ZFX: variants seen among roughly 807,000 people sequenced by gnomAD.
ZFX encodes zinc finger X-chromosomal protein.
For missense variants in ZFX, 362 were observed against 628.3 expected (o/e 0.58, Z 4.53); for synonymous variants, 196 against 226.8 (o/e 0.86, Z 1.22).
At chrX:24,197,363 T>C (rs370206737) in intron 5 of ZFX, among the ~76,000 whole-genome samples, 1 of 111,240 alleles carries the variant, frequency 9.0e-6, no homozygotes, top group East Asian at 2.8e-4. Flanking sequence ...AGAGTAGAAA[T>C]TGACAAAATT....
At chrX:24,163,329 C>T (rs1388378006) in intron 3 of ZFX, among the ~76,000 whole-genome samples, 1 of 83,778 alleles carries the variant, frequency 1.2e-5, no homozygotes, top group Non-Finnish European at 2.3e-5. Flanking sequence ...TCATAATTAA[C>T]CAAGTTTGTA....
At chrX:24,167,463 AAGAG>A (rs1480328158) in intron 3 of ZFX, among the ~76,000 whole-genome samples, 1 of 111,868 alleles carries the variant, frequency 8.9e-6, no homozygotes, top group Non-Finnish European at 1.9e-5. Flanking sequence ...AGCAGTTTAA[AAGAG>A]AGGCACCAAA....
rs1165967901 is a variant in ZFX, at chrX:24,180,231, C to CA, written c.646+473dup. On this transcript the variant is annotated intron_variant, in intron 5 of 9. Coordinates refer to ENST00000304543, the MANE Select transcript of ZFX (RefSeq NM_003410.4). ...TGGGTGACAGAGCAAGACTCCTTCT[C>CA]AAAAAAAAAAAAGCTGAAACAAACA... is the stretch of plus-strand genomic sequence containing the variant. Among the ~76,000 whole-genome samples, 754 of 87,318 alleles carry CA rather than the reference C, an allele frequency of 8.6e-3. 4 individuals carry two copies. The highest frequency in any genetic ancestry group is 0.022 in the African/African-American group (527 of 23,881). 75.8% of individuals were successfully genotyped at this position (87,318 alleles called of 115,157 possible).
chrX:24,174,179 C>G (rs1381740193), intron 4 of ZFX, among the ~76,000 whole-genome samples: 1 of 109,587 alleles, frequency 9.1e-6, no homozygotes, highest in East Asian at 2.9e-4. Context: ...CACCACTGCA[C>G]TCCAGTCTGG....
At chrX:24,187,615 T>C (rs1936229479) in intron 5 of ZFX, among the ~76,000 whole-genome samples, 1 of 111,944 alleles carries the variant, frequency 8.9e-6, no homozygotes, top group East Asian at 2.8e-4. Flanking sequence ...TTTTTTCAAA[T>C]TTGTATTTAC....
At chrX:24,170,532 C>T (rs1395230206) in intron 3 of ZFX, among the ~76,000 whole-genome samples, 2 of 109,246 alleles carry the variant, frequency 1.8e-5, no homozygotes, top group Non-Finnish European at 3.8e-5. Flanking sequence ...GGTGGTTTTG[C>T]GGGAGTGGGG....
intron 5 of ZFX, among the ~76,000 whole-genome samples, chrX:24,191,089 G>C (rs1223893296): frequency 8.9e-6 from 1 of 111,919 alleles, no homozygotes; most frequent in African/African-American, 3.2e-5. Context: ...CAGGTACAGG[G>C]TGGGATTGTA....
At chrX:24,180,037 G>A (rs1935534612) in intron 5 of ZFX, among the ~76,000 whole-genome samples, 1 of 109,736 alleles carries the variant, frequency 9.1e-6, no homozygotes. Context: ...AGACCAGCCT[G>A]GCCAACCAAC....
Position 24,172,714 on chromosome X carries a change from G to T in ZFX, c.-28-1G>T. 1 of 1,151,884 alleles carries T rather than the reference G, an allele frequency of 8.7e-7. No homozygotes were observed. 94.9% of individuals were successfully genotyped at this position (1,151,884 alleles called of 1,213,427 possible). ...TTGGTTTACTTTTTTCCCTGATTTAGGAGCTGTGACTGATGAGAATTAAAG... is the reference window on the plus strand; with the variant it reads ...TTGGTTTACTTTTTTCCCTGATTTATGAGCTGTGACTGATGAGAATTAAAG... On this transcript the variant is annotated splice_acceptor_variant, in intron 3 of 9. Coordinates refer to ENST00000304543, the MANE Select transcript of ZFX (RefSeq NM_003410.4). LOFTEE classifies it low-confidence loss of function (5UTR_SPLICE).
rs981178520 is a variant in ZFX, at chrX:24,215,345, A to G, written c.*3969A>G. On this transcript the variant is annotated 3_prime_UTR_variant, in exon 10 of 10. Coordinates refer to ENST00000304543, the MANE Select transcript of ZFX (RefSeq NM_003410.4). The stretch of plus-strand genomic sequence containing the variant: ...GGCTAATCAATATCTTAAAGGGGCA[A>G]TCTTTCAGAGCAGTGGTTTTCAAAG... 4 of 111,900 alleles carry G rather than the reference A, an allele frequency of 3.6e-5. No homozygotes were observed. The highest frequency in any genetic ancestry group is 2.8e-4 in the East Asian group (1 of 3,594). 9.2% of individuals were successfully genotyped at this position (111,900 alleles called of 1,213,427 possible).
chrX:24,178,443 CA>C (rs1935368432), intron 4 of ZFX, among the ~76,000 whole-genome samples: 1 of 108,864 alleles, frequency 9.2e-6, no homozygotes, highest in East Asian at 2.9e-4. Context: ...CGCTCGCCAC[CA>C]CACCCGGCTC....
intron 3 of ZFX, among the ~76,000 whole-genome samples, chrX:24,163,677 C>T (rs1482623605): frequency 4.7e-5 from 5 of 106,024 alleles, no homozygotes; most frequent in African/African-American, 1.0e-4. Flanking sequence ...CATGCCCGGC[C>T]GCCTAGCTAA....
At chrX:24,186,806 T>C (rs1936153354) in intron 5 of ZFX, among the ~76,000 whole-genome samples, 1 of 111,805 alleles carries the variant, frequency 8.9e-6, no homozygotes, top group Admixed American at 9.5e-5. Context: ...ATTTTATGAT[T>C]GGCTTCTAAG....
chrX:24,168,645 A>G (rs1934238287), intron 3 of ZFX, among the ~76,000 whole-genome samples: 1 of 101,900 alleles, frequency 9.8e-6, no homozygotes, highest in African/African-American at 3.6e-5. Flanking sequence ...TTCCCTCAAA[A>G]CTATATGTTT....
At chrX:24,173,731 C>A in intron 4 of ZFX, 1 of 472,626 alleles carries the variant, frequency 2.1e-6, no homozygotes, top group Non-Finnish European at 3.5e-6. Flanking sequence ...CAGGTGTGTG[C>A]CACAATGTCT....
At chrX:24,200,600 T>C (rs1354097521) in intron 5 of ZFX, among the ~76,000 whole-genome samples, 1 of 110,807 alleles carries the variant, frequency 9.0e-6, no homozygotes, top group African/African-American at 3.4e-5. Flanking sequence ...CACAAAAAAA[T>C]CTCTGTTCTT....
chrX:24,163,018 CTATT>C (rs749838856), intron 3 of ZFX, among the ~76,000 whole-genome samples: 13 of 111,264 alleles, frequency 1.2e-4, no homozygotes, highest in East Asian at 2.8e-4. Context: ...AGCGTGTATC[CTATT>C]TATTTAATTT....
rs991437458 is a variant in ZFX at position 24,212,718 on chromosome X, C to T, written c.*1342C>T. ...CGGGTGCTAATTATGACTTCACACT[C>T]GGCAAGTTCAGGCTGATCTGTTATT... On this transcript the variant is annotated 3_prime_UTR_variant, in exon 10 of 10. Coordinates refer to ENST00000304543, the MANE Select transcript of ZFX (RefSeq NM_003410.4). 2 of 111,967 alleles carry T rather than the reference C, an allele frequency of 1.8e-5. No homozygotes were observed. The highest frequency in any genetic ancestry group is 3.7e-4 in the South Asian group (1 of 2,691). The allele number at this position is 111,967 out of a possible 1,213,427, so 9.2% of individuals were successfully genotyped here.
At chrX:24,181,465 A>G (rs1039998384) in intron 5 of ZFX, among the ~76,000 whole-genome samples, 2 of 112,057 alleles carry the variant, frequency 1.8e-5, no homozygotes, top group Admixed American at 1.9e-4. Context: ...CTAGTTTTAC[A>G]GGATGAAGGG....
Sources: allele counts gnomAD v4.1 joint callset (sites outside exome capture counted in the v4.1 genomes callset), GRCh38; gene constraint gnomAD v4.1.1; transcripts MANE v1.5; gene names NCBI Gene and HGNC (gene_info 2026-07-23, HGNC 2026-07-21).